VTA1: variants seen among roughly 807,000 people sequenced by gnomAD.
VTA1 encodes the protein vacuolar protein sorting-associated protein VTA1 homolog.
In VTA1, 24 loss-of-function variants were observed where a neutral mutation model predicts 36.9. The observed-to-expected ratio is 0.65, with a 90% CI of 0.47 to 0.91. The LOEUF (loss-of-function observed/expected upper bound fraction) is 0.91. VTA1 is among the 40% of genes least tolerant of loss of function. The pLI is 0.00. For missense variants in VTA1, 393 were observed against 377.2 expected, an observed-to-expected ratio of 1.04 and a Z score of -0.35; for synonymous variants, 142 against 130.2, an observed-to-expected ratio of 1.09 and a Z score of -0.62.
In VTA1 at chr6:142,189,922, A is replaced by G. The variant is rs867022803; in HGVS notation, c.520+388A>G. On this transcript the variant is annotated intron_variant, in intron 5 of 7. Coordinates refer to ENST00000367630, the MANE Select transcript of VTA1 (RefSeq NM_016485.5). ...CAGGCGCCTGCCACCACGCCTGGCT[A>G]ATTTTTTTGTACTTTTAGTAGAGAC... is the stretch of plus-strand genomic sequence containing the variant. Among the ~76,000 whole-genome samples the G allele has an allele frequency of 3.3e-5, 5 of 152,004 alleles. 1 individual carries two copies. The South Asian group carries it at 1.0e-3, about 31-fold the overall frequency.
intron 4 of VTA1, among the ~76,000 whole-genome samples, chr6:142,187,934 C>T (rs1201134519): frequency 2.9e-5 from 3 of 103,648 alleles, no homozygotes; most frequent in Non-Finnish European, 6.7e-5. Context: ...TTTTTTTGGC[C>T]GGGAGGAGGT....
intron 4 of VTA1, among the ~76,000 whole-genome samples, chr6:142,175,150 A>C (rs149778714): frequency 6.6e-6 from 1 of 152,140 alleles, no homozygotes; most frequent in African/African-American, 2.4e-5. Flanking sequence ...CAAAAAGGCC[A>C]CTGGTTCACA....
intron 1 of VTA1, among the ~76,000 whole-genome samples, chr6:142,154,858 G>C (rs566775751): frequency 2.0e-4 from 31 of 151,932 alleles, no homozygotes; most frequent in Non-Finnish European, 2.6e-4. Context: ...GAGATTTTTA[G>C]TAACAGCGTT....
At chr6:142,199,819 T>C (rs911641496) in intron 6 of VTA1, among the ~76,000 whole-genome samples, 2 of 152,180 alleles carry the variant, frequency 1.3e-5, no homozygotes, top group African/African-American at 2.4e-5. Context: ...TTTTATGGCC[T>C]ATGTGATGAT....
intron 7 of VTA1, among the ~76,000 whole-genome samples, chr6:142,213,271 A>T (rs909311739): frequency 1.3e-5 from 2 of 152,060 alleles, no homozygotes; most frequent in African/African-American, 4.8e-5. Flanking sequence ...CTCCAAAATA[A>T]TCTCCTTTGA....
intron 3 of VTA1, 88 bp downstream of exon 3, chr6:142,169,765 C>A: frequency 2.5e-6 from 3 of 1,208,054 alleles, no homozygotes; most frequent in Non-Finnish European, 3.3e-6. Context: ...CACTTTCTAA[C>A]CTGCTGATTG....
intron 1 of VTA1, among the ~76,000 whole-genome samples, chr6:142,164,813 A>G (rs572693901): frequency 6.6e-6 from 1 of 152,328 alleles, no homozygotes; most frequent in East Asian, 1.9e-4. Flanking sequence ...AGAATGAGCT[A>G]TTCTTTCATT....
chr6:142,198,094 C>A (rs1374298185), intron 5 of VTA1, among the ~76,000 whole-genome samples: 1 of 126,442 alleles, frequency 7.9e-6, no homozygotes, highest in Non-Finnish European at 1.6e-5. Context: ...GAGACTCCGT[C>A]TCAAAAAAAA....
chr6:142,151,032 A>T (rs1251848087), intron 1 of VTA1, among the ~76,000 whole-genome samples: 2 of 151,942 alleles, frequency 1.3e-5, no homozygotes, highest in African/African-American at 2.4e-5. Flanking sequence ...TATATGGGGG[A>T]TGCAGGGAGT....
intron 5 of VTA1, among the ~76,000 whole-genome samples, chr6:142,197,585 C>G (rs1775577295): frequency 6.6e-6 from 1 of 152,160 alleles, no homozygotes; most frequent in Non-Finnish European, 1.5e-5. Flanking sequence ...TAGCTAAATG[C>G]AAAATTTCAT....
intron 6 of VTA1, among the ~76,000 whole-genome samples, chr6:142,201,024 CCA>C (rs1458962201): frequency 6.6e-6 from 1 of 151,842 alleles, no homozygotes; most frequent in Non-Finnish European, 1.5e-5. Flanking sequence ...GGATTTGAAT[CCA>C]CGTTTTTTTG....
In VTA1 at chr6:142,224,662, TC is replaced by T. The variant is rs368928345; in HGVS notation, c.*6020del. 2.6e-5 allele frequency: 4 copies of T among 152,236 alleles called. No individual in the cohort carries two copies. The highest frequency in any genetic ancestry group is 9.6e-5 in the African/African-American group (4 of 41,546). 9.4% of individuals were successfully genotyped at this position (152,236 alleles called of 1,614,324 possible). ...GGCAAAAAAATATATACTAAAATGA[TC>T]AAATAAAGGTTGTGTTCAGAAACCT... On this transcript the variant is annotated 3_prime_UTR_variant, in exon 8 of 8. Transcript: ENST00000367630.
intron 1 of VTA1, among the ~76,000 whole-genome samples, chr6:142,155,248 A>G (rs1289650824): frequency 6.6e-6 from 1 of 152,184 alleles, no homozygotes; most frequent in African/African-American, 2.4e-5. Flanking sequence ...GATTGGTACA[A>G]AGTTTGGAAA....
chr6:142,181,467 A>C (rs1420868087), intron 4 of VTA1, among the ~76,000 whole-genome samples: 1 of 147,902 alleles, frequency 6.8e-6, no homozygotes, highest in Non-Finnish European at 1.5e-5. Flanking sequence ...ATATATATAT[A>C]TATATATGTA....
chr6:142,168,448 T>G (rs1774962995), intron 2 of VTA1, among the ~76,000 whole-genome samples: 2 of 151,978 alleles, frequency 1.3e-5, no homozygotes, highest in Non-Finnish European at 2.9e-5. Context: ...ATAACATCTT[T>G]GAAAAAAGCA....
intron 1 of VTA1, among the ~76,000 whole-genome samples, chr6:142,161,077 T>TC (rs199666023): frequency 0.05 from 4,526 of 89,894 alleles, 463 homozygotes; most frequent in East Asian, 0.3. Context: ...GCTTCCTTCC[T>TC]TCCCCCCCCC....
At chr6:142,202,622 T>C (rs1775710742) in intron 6 of VTA1, among the ~76,000 whole-genome samples, 1 of 151,926 alleles carries the variant, frequency 6.6e-6, no homozygotes, top group African/African-American at 2.4e-5. Flanking sequence ...CACACGCAAG[T>C]ATGCCTTCTA....
At chr6:142,204,156 A>T (rs1562268766) in intron 7 of VTA1, 91 bp downstream of exon 7, 1 of 1,110,618 alleles carries the variant, frequency 9.0e-7, no homozygotes, top group East Asian at 2.4e-5. Flanking sequence ...ATATATTTAA[A>T]TGTTGTTACT....
At chr6:142,206,823 A>T (rs1412714004) in intron 7 of VTA1, among the ~76,000 whole-genome samples, 1 of 152,212 alleles carries the variant, frequency 6.6e-6, no homozygotes, top group East Asian at 1.9e-4. Flanking sequence ...AAAGGAGCAA[A>T]GGGAACACCA....
Sources: allele counts gnomAD v4.1 joint callset (sites outside exome capture counted in the v4.1 genomes callset), GRCh38; gene constraint gnomAD v4.1.1; transcripts MANE v1.5; gene names NCBI Gene and HGNC (gene_info 2026-07-23, HGNC 2026-07-21).